The following DCT variants were observed in gnomAD, a reference collection of about 807,000 sequenced individuals.
DCT encodes L-dopachrome tautomerase.
Under a neutral mutation model 53.0 loss-of-function variants are expected in DCT, and 47 were observed. The observed-to-expected ratio is 0.89, with a 90% CI of 0.70 to 1.13. DCT has a LOEUF of 1.13. Ranked by LOEUF, DCT falls within the 50% of genes most tolerant of loss-of-function variation. DCT has a pLI of 0.00. For synonymous variants in DCT, 244 were observed against 237.0 expected (o/e 1.03, Z -0.27); for missense variants, 669 against 637.4 (o/e 1.05, Z -0.53).
At chr13:94,541,690 C>T in the DCT span, among the ~76,000 whole-genome samples, 1 of 151,956 alleles carries the variant, frequency 6.6e-6, no homozygotes, top group Non-Finnish European at 1.5e-5. Context: ...GGAATGTTCC[C>T]AACAAAAAGA....
chr13:94,455,515 T>C (rs1283133573), intron 6 of DCT, among the ~76,000 whole-genome samples: 2 of 152,202 alleles, frequency 1.3e-5, no homozygotes, highest in African/African-American at 4.8e-5. Context: ...GCCTACAACC[T>C]GTTTTTGTAA....
At chr13:94,457,359 A>G (rs1352027568) in intron 6 of DCT, among the ~76,000 whole-genome samples, 1 of 152,150 alleles carries the variant, frequency 6.6e-6, no homozygotes. Flanking sequence ...GGCATCAGAG[A>G]GTTTATTCTC....
At chr13:94,514,617 T>TG in the DCT span, among the ~76,000 whole-genome samples, 1 of 151,150 alleles carries the variant, frequency 6.6e-6, no homozygotes, top group East Asian at 2.0e-4. Context: ...CCAGGCAGAG[T>TG]GGGGAGCACG....
At chr13:94,473,520 G>A (rs1884885141) in intron 1 of DCT, among the ~76,000 whole-genome samples, 1 of 152,306 alleles carries the variant, frequency 6.6e-6, no homozygotes, top group African/African-American at 2.4e-5. Context: ...TAATACCTTA[G>A]TCTAGTGGAA....
the DCT span, among the ~76,000 whole-genome samples, chr13:94,515,407 A>G: frequency 2.0e-5 from 3 of 152,246 alleles, no homozygotes; most frequent in African/African-American, 7.2e-5. Context: ...CAGACGTACA[A>G]AAGAATACAC....
At chr13:94,501,081 A>G in the DCT span, among the ~76,000 whole-genome samples, 1 of 152,076 alleles carries the variant, frequency 6.6e-6, no homozygotes, top group African/African-American at 2.4e-5. Flanking sequence ...CCTGGCTAAC[A>G]TGGTGAAACC....
the DCT span, among the ~76,000 whole-genome samples, chr13:94,539,428 AAC>A: frequency 6.6e-6 from 1 of 152,236 alleles, no homozygotes; most frequent in Non-Finnish European, 1.5e-5. Flanking sequence ...GCAATTTACC[AAC>A]CTATTATTAG....
At chr13:94,467,427 C>G (rs188192644) in intron 2 of DCT, 1 of 152,142 alleles carries the variant, frequency 6.6e-6, no homozygotes, top group Non-Finnish European at 1.5e-5. Flanking sequence ...GCTGAACAGA[C>G]GTGAATATAA....
rs772624100 is a variant in DCT at position 94,469,035 on chromosome 13, G to A, written c.306C>T (p.Ala102=). 8 of 1,611,406 alleles carry A rather than the reference G, an allele frequency of 5.0e-6. No individual in the cohort carries two copies. In the Middle Eastern group the frequency reaches 4.9e-4, roughly 99 times the overall value. The change falls in exon 2 of 8, where the codon GCC becomes GCT. Residue 102 remains alanine, a synonymous_variant. Transcript: ENST00000377028. ...ACTTGCAGTCTCCACAATTATAGCC[G>A]GCAAAGTTTCCTAGTTCACAAAACA... ...HRTCKCTGNF[A]GYNCGDCKFG... is the part of the protein sequence containing the mutation.
intron 6 of DCT, among the ~76,000 whole-genome samples, chr13:94,451,385 A>G (rs1883078174): frequency 1.3e-5 from 2 of 152,208 alleles, no homozygotes; most frequent in Admixed American, 6.5e-5. Context: ...AGTGAATGCA[A>G]TTGTGAAGAG....
rs1882162243 is a variant in DCT at position 94,439,946 on chromosome 13, G to A, written c.1512C>T (p.Pro504=). 1.2e-6 allele frequency: 2 copies of A among 1,613,878 alleles called. No individual in the cohort carries two copies. Among genetic ancestry groups the A allele is most frequent in the Non-Finnish European group, 1.7e-6 (2 of 1,179,892 alleles). The change falls in exon 8 of 8, where the codon CCC becomes CCT. Residue 504 remains proline (P), a synonymous_variant. Transcript: ENST00000377028. The part of the protein sequence containing the change: ...QYRRLRKGYT[P]LMETHLSSKR... ...TGCTGCTTAAATGTGTCTCCATTAG[G>A]GGTGTATATCCTTTTCGAAGTCTTC...
the DCT span, among the ~76,000 whole-genome samples, chr13:94,492,011 C>G: frequency 6.6e-6 from 1 of 152,272 alleles, no homozygotes; most frequent in Middle Eastern, 3.4e-3. Context: ...CATCCTGATT[C>G]ATAGTGCAGT....
At chr13:94,545,664 T>A in the DCT span, among the ~76,000 whole-genome samples, 15 of 152,164 alleles carry the variant, frequency 9.9e-5, no homozygotes, top group Middle Eastern at 3.4e-3. Context: ...TGCCTTTGAG[T>A]CTCTCCCAAA....
At position 94,460,200 on chromosome 13, in the gene DCT, G is replaced by A; in HGVS notation, c.1070C>T (p.Ala357Val). Residue 357 changes from alanine to valine, a missense_variant, in exon 6 of 8, where the codon GCA becomes GTA. Ala to Val is a moderately conservative substitution (Grantham distance 64). Coordinates refer to ENST00000377028, the MANE Select transcript of DCT (RefSeq NM_001922.5). The part of the protein sequence containing the change: ...FRNALEGFDK[A>V]DGTLDSQVMS... ...CACTTGAGAATCCAGAGTCCCATCT[G>A]CTTTATCAAACCCTTCCAAAGCATT... 1.9e-6 allele frequency: 3 copies of A among 1,613,808 alleles called. No individual in the cohort carries two copies. Among genetic ancestry groups the A allele is most frequent in the Non-Finnish European group, 2.5e-6 (3 of 1,179,716 alleles).
chr13:94,493,002 G>A, the DCT span, among the ~76,000 whole-genome samples: 1 of 152,308 alleles, frequency 6.6e-6, no homozygotes, highest in East Asian at 1.9e-4. Context: ...GGCAGTCATA[G>A]AGAATGGCAG....
the DCT span, among the ~76,000 whole-genome samples, chr13:94,538,464 A>T: frequency 6.6e-6 from 1 of 152,074 alleles, no homozygotes; most frequent in Non-Finnish European, 1.5e-5. Flanking sequence ...ATATGTATAC[A>T]CATAGCCCCA....
the DCT span, among the ~76,000 whole-genome samples, chr13:94,533,131 C>G: frequency 2.0e-5 from 3 of 150,062 alleles, no homozygotes; most frequent in African/African-American, 4.9e-5. Flanking sequence ...GGAAAAGTAA[C>G]CAGATGGAGA....
chr13:94,500,196 A>G, the DCT span, among the ~76,000 whole-genome samples: 1 of 152,178 alleles, frequency 6.6e-6, no homozygotes, highest in Non-Finnish European at 1.5e-5. Context: ...AACAACCTGT[A>G]TTAGTCTGTT....
chr13:94,440,676 G>GTTTTTTTTTTTTTTTTTTTTT (rs761688508), intron 7 of DCT, among the ~76,000 whole-genome samples: 1 of 98,038 alleles, frequency 1.0e-5, no homozygotes, highest in Non-Finnish European at 1.9e-5. Context: ...TCATTTTTTG[G>GTTTTTTTTTTTTTTTTTTTTT]TTTTTTTTTT....
Sources: gnomAD v4.1 joint callset for allele counts (sites outside exome capture counted in the v4.1 genomes callset) on GRCh38, gnomAD v4.1.1 for gene constraint, MANE v1.5 for transcripts, NCBI Gene and HGNC (gene_info 2026-07-23, HGNC 2026-07-21) for gene names.